Variants in FBXO42 observed in about 807,000 individuals in gnomAD.
FBXO42 encodes F-box only protein 42.
A neutral mutation model predicts 71.7 loss-of-function variants in FBXO42; 12 were observed. The observed-to-expected ratio is 0.17, with a 90% CI of 0.11 to 0.27. The LOEUF (loss-of-function observed/expected upper bound fraction) is 0.27, where lower values mean the gene tolerates loss of function less well. Among genes scored for constraint, FBXO42 ranks in the 10% least tolerant of loss-of-function variants. The pLI is 1.00. For synonymous variants in FBXO42, 325 were observed against 327.5 expected, an observed-to-expected ratio of 0.99 and a Z score of 0.08; for missense variants, 707 against 911.9, an observed-to-expected ratio of 0.78 and a Z score of 2.89.
In FBXO42 at chr1:16,305,982, CTG is replaced by C. The variant is rs2082245908; in HGVS notation, c.251-65_251-64del. 3 of 1,132,946 alleles carry C rather than the reference CTG, an allele frequency of 2.6e-6. No homozygotes were observed. The Admixed American group carries it at 5.5e-5, about 21-fold the overall frequency. The allele number at this position is 1,132,946 out of a possible 1,614,324, so 70.2% of individuals were successfully genotyped here. A position where few individuals can be genotyped will look rare whatever the true frequency, so the allele number is the denominator to read the frequency against. ...TAACTTATCCATCAAATTATTAAAA[CTG>C]TGTCTATTACCTGTTTTTATCATTT... On this transcript the variant is annotated intron_variant, in intron 2 of 9. Transcript: ENST00000375592.
chr1:16,300,507 C>A (rs892709232), intron 3 of FBXO42, among the ~76,000 whole-genome samples: 16 of 152,178 alleles, frequency 1.1e-4, no homozygotes, highest in African/African-American at 3.4e-4. Context: ...TATGCTTTTG[C>A]ATTTTCAGAC....
chr1:16,246,849 T>G lies in FBXO42; in HGVS notation c.*3821A>C, dbSNP rs564314304. 2 of 152,200 alleles carry G rather than the reference T, an allele frequency of 1.3e-5. No homozygotes were observed. Among genetic ancestry groups the G allele is most frequent in the Non-Finnish European group, 2.9e-5 (2 of 68,040 alleles). 9.4% of individuals were successfully genotyped at this position (152,200 alleles called of 1,614,324 possible). On this transcript the variant is annotated 3_prime_UTR_variant, in exon 10 of 10. Transcript: ENST00000375592. The stretch of plus-strand genomic sequence containing the variant: ...TTTGCTAATAAAACAGTTAAGACAA[T>G]TGTCCATTTTATTTGTTAAATTGCT...
chr1:16,302,086 G>A (rs1366602549), intron 3 of FBXO42, among the ~76,000 whole-genome samples: 1 of 152,046 alleles, frequency 6.6e-6, no homozygotes, highest in Non-Finnish European at 1.5e-5. Flanking sequence ...AAAGACAGAT[G>A]GTAATAAATA....
At chr1:16,312,287 G>A (rs1046213107) in intron 2 of FBXO42, among the ~76,000 whole-genome samples, 6 of 151,998 alleles carry the variant, frequency 3.9e-5, no homozygotes, top group South Asian at 4.2e-4. Flanking sequence ...ACTTGAGCCC[G>A]GGAGACGGAG....
chr1:16,321,606 C>T (rs2082409471), intron 1 of FBXO42, among the ~76,000 whole-genome samples: 1 of 151,842 alleles, frequency 6.6e-6, no homozygotes, highest in African/African-American at 2.4e-5. Flanking sequence ...GCCTAGGCAT[C>T]TTTGTCTTCT....
chr1:16,289,132 A>T lies in FBXO42; in HGVS notation c.502+5651T>A, dbSNP rs141224698. On this transcript the variant is annotated intron_variant, in intron 4 of 9. Transcript: ENST00000375592. ...TTGAGGCAGGGAAGGGCAGTGGCTC[A>T]TGCCTGTAATCCAGCACTTTGGGAG... Among the ~76,000 whole-genome samples, 67 of 151,978 alleles carry T rather than the reference A, an allele frequency of 4.4e-4. No homozygotes were observed. In the East Asian group the frequency reaches 0.011, roughly 25 times the overall value.
At chr1:16,279,333 G>A (rs1398208697) in intron 4 of FBXO42, among the ~76,000 whole-genome samples, 1 of 151,862 alleles carries the variant, frequency 6.6e-6, no homozygotes, top group Non-Finnish European at 1.5e-5. Flanking sequence ...GGGAGGCTGA[G>A]GCAGGATGAC....
chr1:16,270,550 A>C (rs1252510055), intron 4 of FBXO42, among the ~76,000 whole-genome samples: 1 of 151,756 alleles, frequency 6.6e-6, no homozygotes, highest in Non-Finnish European at 1.5e-5. Context: ...CTTCAAGATA[A>C]AGGCCAGGCC....
intron 1 of FBXO42, among the ~76,000 whole-genome samples, chr1:16,321,310 C>T (rs187303018): frequency 1.3e-5 from 2 of 152,340 alleles, no homozygotes; most frequent in Admixed American, 1.3e-4. Flanking sequence ...CACCAATTTG[C>T]ATAGCCCTTC....
chr1:16,342,095 G>A (rs1319680214), intron 1 of FBXO42, among the ~76,000 whole-genome samples: 1 of 149,948 alleles, frequency 6.7e-6, no homozygotes, highest in Non-Finnish European at 1.5e-5. Flanking sequence ...TGGACAACAT[G>A]GCAAAACCCT....
chr1:16,258,921 G>T (rs1406237843), intron 4 of FBXO42, among the ~76,000 whole-genome samples: 2 of 151,946 alleles, frequency 1.3e-5, no homozygotes, highest in African/African-American at 4.8e-5. Flanking sequence ...AAATTTTTTT[G>T]TTGTGATCAG....
chr1:16,334,275 T>C (rs2082529192), intron 1 of FBXO42, among the ~76,000 whole-genome samples: 1 of 151,900 alleles, frequency 6.6e-6, no homozygotes, highest in Admixed American at 6.6e-5. Context: ...CTACTAAAAA[T>C]ACAAAAAATT....
At chr1:16,324,561 T>C (rs1404623946) in intron 1 of FBXO42, among the ~76,000 whole-genome samples, 2 of 152,236 alleles carry the variant, frequency 1.3e-5, no homozygotes, top group Admixed American at 1.3e-4. Flanking sequence ...CTCATGCCTG[T>C]AATCCAAGCA....
chr1:16,271,439 C>T (rs1285691622), intron 4 of FBXO42, among the ~76,000 whole-genome samples: 1 of 151,986 alleles, frequency 6.6e-6, no homozygotes, highest in African/African-American at 2.4e-5. Context: ...TGCCACCACA[C>T]CTGGCTAATT....
intron 1 of FBXO42, among the ~76,000 whole-genome samples, chr1:16,336,303 G>GT (rs910962888): frequency 6.6e-6 from 1 of 151,534 alleles, no homozygotes; most frequent in African/African-American, 2.4e-5. Context: ...CCAAATGATC[G>GT]TAATATTCTC....
At chr1:16,301,056 G>A (rs146394888) in intron 3 of FBXO42, among the ~76,000 whole-genome samples, 7 of 151,896 alleles carry the variant, frequency 4.6e-5, no homozygotes, top group East Asian at 3.9e-4. Context: ...CGCCCACCAC[G>A]CCCAGCTAAT....
At chr1:16,346,752 CA>C (rs1418324225) in intron 1 of FBXO42, among the ~76,000 whole-genome samples, 7 of 128,386 alleles carry the variant, frequency 5.5e-5, no homozygotes, top group Non-Finnish European at 8.3e-5. Flanking sequence ...CTGAACAGTA[CA>C]TTTTTTTTTT....
At chr1:16,301,670 C>CA (rs1242029876) in intron 3 of FBXO42, among the ~76,000 whole-genome samples, 10,188 of 66,486 alleles carry the variant, frequency 0.15, 506 homozygotes, top group East Asian at 0.21. Flanking sequence ...GACCCCATCT[C>CA]AAAAAAAAAA....
At chr1:16,302,645 G>A (rs2082206501) in intron 3 of FBXO42, among the ~76,000 whole-genome samples, 1 of 152,160 alleles carries the variant, frequency 6.6e-6, no homozygotes, top group African/African-American at 2.4e-5. Context: ...AAGTAGCTGG[G>A]ACTATAGGCA....
Sources: gnomAD v4.1 joint callset for allele counts (sites outside exome capture counted in the v4.1 genomes callset) on GRCh38, gnomAD v4.1.1 for gene constraint, MANE v1.5 for transcripts, NCBI Gene and HGNC (gene_info 2026-07-23, HGNC 2026-07-21) for gene names.